MARK3: variants seen among roughly 807,000 people sequenced by gnomAD.
MARK3 encodes microtubule affinity regulating kinase 3, also known as MAP/microtubule affinity-regulating kinase 3.
MARK3 carries 46 observed loss-of-function variants against 90.1 expected under a neutral mutation model. The observed-to-expected ratio is 0.51, with a 90% CI of 0.40 to 0.65. The LOEUF (loss-of-function observed/expected upper bound fraction) is 0.65, where lower values mean the gene tolerates loss of function less well. Among genes scored for constraint, MARK3 ranks in the 30% least tolerant of loss-of-function variants. The pLI is 0.00. For missense variants in MARK3, 818 were observed against 947.2 expected (o/e 0.86, Z 1.79); for synonymous variants, 321 against 332.6 (o/e 0.97, Z 0.38).
intron 2 of MARK3, chr14:103,412,818 A>C (rs538193376): frequency 2.7e-6 from 1 of 370,330 alleles, no homozygotes; most frequent in Admixed American, 3.8e-5. Context: ...ATAAATTATT[A>C]ATAGTTTGGG....
At chr14:103,397,740 A>G (rs907074839) in intron 1 of MARK3, among the ~76,000 whole-genome samples, 6 of 152,188 alleles carry the variant, frequency 3.9e-5, no homozygotes, top group African/African-American at 1.4e-4. Flanking sequence ...ACCAGTAACA[A>G]TTATTTTATT....
chr14:103,398,347 T>C (rs1438925531), intron 1 of MARK3, among the ~76,000 whole-genome samples: 31 of 152,234 alleles, frequency 2.0e-4, no homozygotes, highest in Admixed American at 2.0e-3. Context: ...CAGAGCTTTC[T>C]GCCTTTTCCC....
chr14:103,397,431 A>C (rs1196745819), intron 1 of MARK3, among the ~76,000 whole-genome samples: 3 of 150,788 alleles, frequency 2.0e-5, no homozygotes, highest in African/African-American at 7.3e-5. Context: ...GGTTCAAACG[A>C]TTCTCCTGCC....
intron 2 of MARK3, among the ~76,000 whole-genome samples, chr14:103,426,492 A>G (rs1240694303): frequency 6.6e-6 from 1 of 152,090 alleles, no homozygotes; most frequent in East Asian, 1.9e-4. Flanking sequence ...GTCCTGCAGG[A>G]TGCCCAGTAG....
intron 5 of MARK3, among the ~76,000 whole-genome samples, chr14:103,456,681 A>T (rs969478021): frequency 2.0e-5 from 3 of 152,202 alleles, no homozygotes; most frequent in Non-Finnish European, 4.4e-5. Flanking sequence ...TCTTGTGTTC[A>T]CTGCTGCATC....
At position 103,441,132 on chromosome 14, in the gene MARK3, A is replaced by G. The variant is rs188915946; in HGVS notation, c.298-7787A>G. On this transcript the variant is annotated intron_variant, in intron 3 of 17. Coordinates refer to ENST00000429436, the MANE Select transcript of MARK3 (RefSeq NM_001128918.3). ...GATATCATTATATATCATGGATACT[A>G]TTATATATGTGGCACACACCTTCTA... Among the ~76,000 whole-genome samples the G allele has an allele frequency of 1.1e-4, 16 of 152,188 alleles. 1 individual carries two copies. The highest frequency in any genetic ancestry group is 3.4e-4 in the African/African-American group (14 of 41,534).
chr14:103,492,521 TCA>T (rs1338474138), intron 15 of MARK3, among the ~76,000 whole-genome samples: 1 of 152,228 alleles, frequency 6.6e-6, no homozygotes, highest in Non-Finnish European at 1.5e-5. Flanking sequence ...AGTTTCTCTC[TCA>T]GTCTTAGTAA....
At chr14:103,410,354 C>G (rs934630708) in intron 2 of MARK3, among the ~76,000 whole-genome samples, 7 of 152,080 alleles carry the variant, frequency 4.6e-5, no homozygotes, top group African/African-American at 1.7e-4. Flanking sequence ...TCTCCAGGGC[C>G]CCATGCCTTA....
At position 103,503,474 on chromosome 14, in the gene MARK3, T is replaced by C; in HGVS notation, c.*247T>C. The C allele has an allele frequency of 2.0e-6, 1 of 503,282 alleles. No individual in the cohort carries two copies. Among genetic ancestry groups the C allele is most frequent in the Non-Finnish European group, 3.6e-6 (1 of 281,546 alleles). 31.2% of individuals were successfully genotyped at this position (503,282 alleles called of 1,614,324 possible). A position where few individuals can be genotyped will look rare whatever the true frequency, so the allele number is the denominator to read the frequency against. On this transcript the variant is annotated 3_prime_UTR_variant, in exon 18 of 18. Coordinates refer to ENST00000429436, the MANE Select transcript of MARK3 (RefSeq NM_001128918.3). ...CCCTGAGAGTCGGTGTGTGGCCCCA[T>C]CTCCATGTGCCTCCCGTCTGGGTGG...
chr14:103,482,750 G>A (rs372537223), intron 14 of MARK3, among the ~76,000 whole-genome samples: 1 of 151,880 alleles, frequency 6.6e-6, no homozygotes. Flanking sequence ...AAAATTTTTC[G>A]TTTCACTCTT....
At chr14:103,478,387 C>T (rs1355189636) in intron 13 of MARK3, among the ~76,000 whole-genome samples, 1 of 151,292 alleles carries the variant, frequency 6.6e-6, no homozygotes, top group African/African-American at 2.4e-5. Context: ...CCCTCATTCC[C>T]TGGCAACCAC....
chr14:103,433,512 G>A (rs1488708418), intron 3 of MARK3, among the ~76,000 whole-genome samples: 11 of 152,050 alleles, frequency 7.2e-5, no homozygotes, highest in Admixed American at 7.2e-4. Context: ...TAGCCAGCAT[G>A]GTGAAACTGC....
At chr14:103,502,323 C>T (rs537462118) in intron 17 of MARK3, among the ~76,000 whole-genome samples, 2 of 152,212 alleles carry the variant, frequency 1.3e-5, no homozygotes, top group Non-Finnish European at 2.9e-5. Context: ...GTTTAATTAA[C>T]AAACCAGAGA....
At chr14:103,484,206 C>A (rs976510791) in intron 14 of MARK3, among the ~76,000 whole-genome samples, 1 of 146,680 alleles carries the variant, frequency 6.8e-6, no homozygotes, top group Non-Finnish European at 1.5e-5. Context: ...GCGATGGAGT[C>A]TCGCTCTTTT....
intron 5 of MARK3, 80 bp downstream of exon 5, chr14:103,452,063 T>C: frequency 1.1e-6 from 1 of 925,526 alleles, no homozygotes; most frequent in South Asian, 1.5e-5. Flanking sequence ...CCCATATGGG[T>C]CATCATTAAG....
intron 6 of MARK3, among the ~76,000 whole-genome samples, chr14:103,458,316 G>A (rs1036893397): frequency 2.6e-5 from 4 of 152,070 alleles, no homozygotes; most frequent in East Asian, 1.9e-4. Context: ...AAAATTAGCC[G>A]GGCATGATGG....
At chr14:103,406,155 CAG>C (rs1407060800) in intron 2 of MARK3, among the ~76,000 whole-genome samples, 1 of 151,768 alleles carries the variant, frequency 6.6e-6, no homozygotes, top group African/African-American at 2.4e-5. Context: ...CTCAACCTCC[CAG>C]AGTGTTGGGA....
At chr14:103,473,068 T>C (rs1253791025) in intron 12 of MARK3, among the ~76,000 whole-genome samples, 1 of 152,028 alleles carries the variant, frequency 6.6e-6, no homozygotes, top group Non-Finnish European at 1.5e-5. Context: ...AAGGGAATTA[T>C]ACTGCATGAA....
chr14:103,389,815 G>A (rs1484214901), intron 1 of MARK3, among the ~76,000 whole-genome samples: 10 of 150,260 alleles, frequency 6.7e-5, no homozygotes, highest in South Asian at 2.1e-4. Context: ...GCGGTGGCGG[G>A]CACCTGTAAT....
Sources: allele counts gnomAD v4.1 joint callset (sites outside exome capture counted in the v4.1 genomes callset), GRCh38; gene constraint gnomAD v4.1.1; transcripts MANE v1.5; gene names NCBI Gene and HGNC (gene_info 2026-07-23, HGNC 2026-07-21).